GLB1: variants seen among roughly 807,000 people sequenced by gnomAD.
GLB1 encodes beta-galactosidase.
A neutral mutation model predicts 74.0 loss-of-function variants in GLB1; 56 were observed. The observed-to-expected ratio is 0.76, with a 90% CI of 0.61 to 0.94. GLB1 has a LOEUF of 0.94. Among genes scored for constraint, GLB1 ranks in the 40% least tolerant of loss-of-function variants. The probability of loss-of-function intolerance (pLI) is 0.00; values close to 1 mark genes in which losing one functional copy is unlikely to be tolerated. For synonymous variants in GLB1, 323 were observed against 323.6 expected (o/e 1.00, Z 0.02); for missense variants, 787 against 845.5 (o/e 0.93, Z 0.86).
At chr3:33,035,676 A>C (rs1698243690) in intron 10 of GLB1, among the ~76,000 whole-genome samples, 2 of 152,168 alleles carry the variant, frequency 1.3e-5, no homozygotes, top group African/African-American at 4.8e-5. Context: ...CCCTCGCCAG[A>C]ACCTAACCAT....
chr3:33,070,184 T>C (rs1178219797), intron 2 of GLB1, among the ~76,000 whole-genome samples: 1 of 152,230 alleles, frequency 6.6e-6, no homozygotes, highest in African/African-American at 2.4e-5. Flanking sequence ...ATGTACCACA[T>C]TTTCTTTATC....
chr3:33,096,989 T>TA (rs1171250060), intron 1 of GLB1, 22 bp downstream of exon 1: 1 of 1,610,080 alleles, frequency 6.2e-7, no homozygotes, highest in Non-Finnish European at 8.5e-7. Context: ...TGCCTCCCCG[T>TA]ACCCGGGTCC....
chr3:33,017,734 C>T (rs113925953), intron 13 of GLB1, among the ~76,000 whole-genome samples: 2 of 152,070 alleles, frequency 1.3e-5, no homozygotes, highest in African/African-American at 2.4e-5. Context: ...GATAAAGGCA[C>T]GAAGTTCAAC....
intron 15 of GLB1, among the ~76,000 whole-genome samples, chr3:33,010,731 A>C (rs577236156): frequency 4.6e-5 from 7 of 152,248 alleles, no homozygotes; most frequent in Middle Eastern, 3.4e-3. Context: ...GATCATGGAG[A>C]TTTCTCTCCC....
At chr3:33,038,115 T>C (rs1333178367) in intron 10 of GLB1, 1 of 151,646 alleles carries the variant, frequency 6.6e-6, no homozygotes, top group African/African-American at 2.4e-5. Flanking sequence ...TTAAAGATGA[T>C]TTCATTCTAT....
chr3:32,983,757 C>T, the GLB1 span, among the ~76,000 whole-genome samples: 2 of 152,172 alleles, frequency 1.3e-5, no homozygotes, highest in Admixed American at 6.5e-5. Flanking sequence ...TGGCTCACTA[C>T]AGCCTTGACC....
At chr3:33,084,913 A>G (rs1407129099) in intron 1 of GLB1, among the ~76,000 whole-genome samples, 1 of 152,188 alleles carries the variant, frequency 6.6e-6, no homozygotes, top group East Asian at 1.9e-4. Flanking sequence ...TTTTGGTTCT[A>G]TTATATATGT....
At chr3:33,062,151 A>G (rs1460829117) in intron 5 of GLB1, among the ~76,000 whole-genome samples, 1 of 152,170 alleles carries the variant, frequency 6.6e-6, no homozygotes, top group East Asian at 1.9e-4. Context: ...AGAGACAGAA[A>G]TCAGCTTTTA....
At chr3:32,999,416 T>G (rs555339179) in intron 15 of GLB1, among the ~76,000 whole-genome samples, 98 of 152,192 alleles carry the variant, frequency 6.4e-4, no homozygotes, top group Non-Finnish European at 1.1e-3. Flanking sequence ...ACAGGCTTCA[T>G]GCTATGGTCA....
chr3:32,962,911 TTAA>T, the GLB1 span, among the ~76,000 whole-genome samples: 1 of 152,182 alleles, frequency 6.6e-6, no homozygotes, highest in South Asian at 2.1e-4. Flanking sequence ...TCAAGACATA[TTAA>T]TAGCCTTTTA....
intron 13 of GLB1, among the ~76,000 whole-genome samples, chr3:33,017,937 G>A (rs552145827): frequency 6.6e-6 from 1 of 152,216 alleles, no homozygotes; most frequent in Admixed American, 6.5e-5. Flanking sequence ...TTCAGCAAAT[G>A]GCACATGCAT....
intron 2 of GLB1, among the ~76,000 whole-genome samples, chr3:33,070,047 G>C (rs1372032150): frequency 1.3e-5 from 2 of 151,618 alleles, no homozygotes; most frequent in Non-Finnish European, 2.9e-5. Context: ...TTATAAGTGA[G>C]AACATGTGGT....
intron 10 of GLB1, chr3:33,034,167 A>G (rs1698175121): frequency 3.2e-6 from 2 of 630,526 alleles, no homozygotes; most frequent in African/African-American, 3.6e-5. Flanking sequence ...CCCTCAGGAT[A>G]TGACTCCTCC....
intron 10 of GLB1, among the ~76,000 whole-genome samples, chr3:33,035,634 T>C (rs1400540949): frequency 1.3e-5 from 2 of 152,104 alleles, no homozygotes; most frequent in African/African-American, 4.8e-5. Context: ...AGGATACAAT[T>C]AGAAGTCAGT....
At chr3:33,047,835 C>T (rs59236326) in intron 9 of GLB1, among the ~76,000 whole-genome samples, 11,698 of 152,182 alleles carry the variant, frequency 0.077, 1,070 homozygotes, top group East Asian at 0.48. Context: ...ACCAACTGAA[C>T]TGATCTAGTC....
intron 1 of GLB1, chr3:33,096,356 C>T (rs1361291301): frequency 2.0e-6 from 2 of 979,156 alleles, no homozygotes; most frequent in Non-Finnish European, 2.4e-6. Context: ...CCTCGCCAGC[C>T]CTGCCCCGAT....
intron 6 of GLB1, among the ~76,000 whole-genome samples, chr3:33,057,085 G>T (rs116767544): frequency 6.6e-6 from 1 of 152,234 alleles, no homozygotes; most frequent in African/African-American, 2.4e-5. Context: ...GGGGCAAAGT[G>T]CTTGTGAATG....
chr3:32,961,708 G>C, the GLB1 span, among the ~76,000 whole-genome samples: 1 of 152,056 alleles, frequency 6.6e-6, no homozygotes, highest in Non-Finnish European at 1.5e-5. Flanking sequence ...ATCTGGAGAG[G>C]AATACTAGAG....
intron 10 of GLB1, among the ~76,000 whole-genome samples, chr3:33,043,663 G>T (rs994450184): frequency 4.5e-5 from 5 of 112,184 alleles, no homozygotes; most frequent in Non-Finnish European, 9.9e-5. Context: ...TCAGTTAAAA[G>T]ACAAGAAATT....
Sources: allele counts gnomAD v4.1 joint callset (sites outside exome capture counted in the v4.1 genomes callset), GRCh38; gene constraint gnomAD v4.1.1; transcripts MANE v1.5; gene names NCBI Gene and HGNC (gene_info 2026-07-23, HGNC 2026-07-21).